Variants in PTPRA observed in about 807,000 individuals in gnomAD.
PTPRA encodes protein tyrosine phosphatase receptor type A.
PTPRA carries 25 observed loss-of-function variants against 104.8 expected under a neutral mutation model. The ratio of observed to expected loss-of-function variants is 0.24; its 90% confidence interval spans 0.17 to 0.33. PTPRA has a LOEUF of 0.33. Among genes scored for constraint, PTPRA ranks in the 10% least tolerant of loss-of-function variants. The pLI, the probability that PTPRA is intolerant of heterozygous loss-of-function variation, is 1.00. For synonymous variants in PTPRA, 323 were observed against 368.9 expected (o/e 0.88, Z 1.43); for missense variants, 765 against 1,015.3 (o/e 0.75, Z 3.35).
chr20:3,019,809 C>T (rs1386743309), intron 13 of PTPRA, among the ~76,000 whole-genome samples: 3 of 152,176 alleles, frequency 2.0e-5, no homozygotes, highest in South Asian at 2.1e-4. Flanking sequence ...AACGAGACTC[C>T]GTCTGCAATC....
intron 2 of PTPRA, among the ~76,000 whole-genome samples, chr20:2,929,757 C>T (rs1037390910): frequency 6.6e-6 from 1 of 151,798 alleles, no homozygotes; most frequent in Non-Finnish European, 1.5e-5. Flanking sequence ...CCCAGGAGCT[C>T]GAGGCTGCAG....
Position 2,886,382 on chromosome 20 carries a change from A to C in PTPRA, c.-129+12622A>C, listed in dbSNP as rs373995553. Among the ~76,000 whole-genome samples, 51 of 152,292 alleles carry C rather than the reference A, an allele frequency of 3.3e-4. No individual in the cohort carries two copies. The South Asian group carries it at 0.01, about 31-fold the overall frequency. On this transcript the variant is annotated intron_variant, in intron 1 of 23. Coordinates refer to ENST00000399903, the MANE Select transcript of PTPRA (RefSeq NM_001385305.1). ...TGTTTGGAGGATTACAGACGAGACA[A>C]GAATTGCCATACGTTGATAATTATT...
intron 1 of PTPRA, among the ~76,000 whole-genome samples, chr20:2,892,924 C>G (rs904095271): frequency 6.6e-6 from 1 of 152,156 alleles, no homozygotes. Flanking sequence ...TTAAGACTTT[C>G]TGTGTGAAAA....
intron 16 of PTPRA, 32 bp from the exon 17 acceptor site, chr20:3,024,440 A>G: frequency 1.2e-6 from 2 of 1,601,994 alleles, no homozygotes; most frequent in South Asian, 1.1e-5. Context: ...TGTTGTATGT[A>G]ACCAAGAACT....
At chr20:2,910,008 T>TC (rs1447568477) in intron 1 of PTPRA, among the ~76,000 whole-genome samples, 10 of 54,498 alleles carry the variant, frequency 1.8e-4, no homozygotes, top group African/African-American at 3.6e-4. Context: ...ATCTATCATA[T>TC]ATCATATATA....
chr20:2,865,595 G>A, the PTPRA span: 2 of 1,096,992 alleles, frequency 1.8e-6, no homozygotes, highest in Non-Finnish European at 2.6e-6. The surrounding 1 kb of genome is among the most constrained non-coding windows in gnomAD (Gnocchi z 5.2). Context: ...TCATGCTCCT[G>A]TTCAGCTGCC....
At chr20:2,963,922 C>A (rs1324677139) in intron 3 of PTPRA, among the ~76,000 whole-genome samples, 2 of 152,098 alleles carry the variant, frequency 1.3e-5, no homozygotes. Context: ...TGCCTATAGT[C>A]CCAGCTACTC....
chr20:2,916,359 A>G (rs979359164), intron 1 of PTPRA, among the ~76,000 whole-genome samples: 7 of 152,142 alleles, frequency 4.6e-5, no homozygotes, highest in South Asian at 2.1e-4. Flanking sequence ...TAATTTTTAT[A>G]TATGGTATGA....
At chr20:3,010,115 G>T (rs571519179) in intron 11 of PTPRA, among the ~76,000 whole-genome samples, 7 of 151,970 alleles carry the variant, frequency 4.6e-5, no homozygotes, top group Non-Finnish European at 1.0e-4. Flanking sequence ...CTCCCAAAGT[G>T]CTGGGATTAC....
intron 6 of PTPRA, among the ~76,000 whole-genome samples, chr20:2,982,079 TTTC>T (rs1312546607): frequency 2.5e-4 from 38 of 151,542 alleles, no homozygotes; most frequent in Admixed American, 9.8e-4. Context: ...GCCTAATTAC[TTTC>T]TTCTTCTTCT....
At chr20:2,920,611 G>A (rs2060063464) in intron 1 of PTPRA, among the ~76,000 whole-genome samples, 1 of 152,166 alleles carries the variant, frequency 6.6e-6, no homozygotes, top group South Asian at 2.1e-4. Flanking sequence ...AGGAAATTCT[G>A]AGGGAGTGAT....
At chr20:2,931,229 G>A (rs971065515) in intron 2 of PTPRA, among the ~76,000 whole-genome samples, 16 of 152,154 alleles carry the variant, frequency 1.1e-4, no homozygotes, top group Non-Finnish European at 1.0e-4. Context: ...AACACTGGGT[G>A]TGAGGTGATA....
chr20:3,027,808 C>T lies in PTPRA; in HGVS notation c.1887C>T (p.Ile629=), dbSNP rs765400226. 1.7e-5 allele frequency: 28 copies of T among 1,614,012 alleles called. No individual in the cohort carries two copies. The highest frequency in any genetic ancestry group is 1.6e-4 in the South Asian group (15 of 91,088). The change falls in exon 20 of 24, where the codon ATC becomes ATT. Residue 629 remains isoleucine (I), a synonymous_variant. Transcript: ENST00000399903. ...RMIWEWKSCS[I]VMLTELEERG... is the part of the protein sequence containing the mutation. ...TCTGGGAGTGGAAATCCTGCTCTAT[C>T]GTGATGCTAACAGAACTGGAGGAGA...
intron 6 of PTPRA, among the ~76,000 whole-genome samples, chr20:2,980,424 C>T (rs2062622454): frequency 6.6e-6 from 1 of 151,698 alleles, no homozygotes; most frequent in African/African-American, 2.4e-5. Context: ...AAAACTTAGC[C>T]AGGCCTGCAG....
At chr20:2,973,866 G>A (rs2062301749) in intron 5 of PTPRA, among the ~76,000 whole-genome samples, 2 of 152,066 alleles carry the variant, frequency 1.3e-5, no homozygotes, top group Non-Finnish European at 2.9e-5. Context: ...GATCTGAGGG[G>A]AGGAGAGTTG....
At chr20:3,001,568 G>A (rs1256977719) in intron 9 of PTPRA, among the ~76,000 whole-genome samples, 1 of 149,804 alleles carries the variant, frequency 6.7e-6, no homozygotes, top group Non-Finnish European at 1.5e-5. Context: ...ATCTCATCCT[G>A]CCCTGTACTT....
intron 2 of PTPRA, among the ~76,000 whole-genome samples, chr20:2,938,707 C>T (rs1046118248): frequency 3.3e-5 from 5 of 151,998 alleles, no homozygotes; most frequent in African/African-American, 1.2e-4. Context: ...TTTTCTTTTG[C>T]TGTTGAGCCC....
intron 2 of PTPRA, among the ~76,000 whole-genome samples, chr20:2,935,559 A>C (rs1265913991): frequency 1.3e-5 from 2 of 151,668 alleles, no homozygotes; most frequent in Admixed American, 6.6e-5. Flanking sequence ...TTCTATTTAA[A>C]TTTTTTTTTG....
intron 20 of PTPRA, among the ~76,000 whole-genome samples, chr20:3,030,155 A>G (rs1348958539): frequency 1.3e-5 from 2 of 152,160 alleles, no homozygotes; most frequent in African/African-American, 4.8e-5. Context: ...TGGCCCAGTG[A>G]ACATCTCCGC....
Sources: allele counts gnomAD v4.1 joint callset (sites outside exome capture counted in the v4.1 genomes callset), GRCh38; gene constraint gnomAD v4.1.1; non-coding constraint Gnocchi (gnomAD v3.1); transcripts MANE v1.5; gene names NCBI Gene and HGNC (gene_info 2026-07-23, HGNC 2026-07-21).